The following UNK variants were observed in gnomAD, a reference collection of about 807,000 sequenced individuals.
The protein encoded by UNK is RING finger protein unkempt homolog.
In UNK, 32 loss-of-function variants were observed where a neutral mutation model predicts 97.6. The observed-to-expected ratio is 0.33, with a 90% CI of 0.25 to 0.44. The LOEUF is 0.44. UNK is among the 20% of genes least tolerant of loss of function. The pLI is 1.00. For missense variants in UNK, 771 were observed against 1,098.4 expected (o/e 0.70, Z 4.21); for synonymous variants, 441 against 461.2 (o/e 0.96, Z 0.56).
chr17:75,800,413 C>T (rs778154295), intron 1 of UNK, among the ~76,000 whole-genome samples: 2 of 150,584 alleles, frequency 1.3e-5, no homozygotes, highest in African/African-American at 2.4e-5. Flanking sequence ...CGTGATGTGA[C>T]GATTGTATGA....
In UNK at chr17:75,818,381, C is replaced by CT. The variant is rs1283751559; in HGVS notation, c.1371+214dup. ...AGTGGAGAAGGTGTTCCTGGAGCCT[C>CT]TGCACTCTGCCAGGCCCTGTACTCG... On this transcript the variant is annotated intron_variant, in intron 10 of 15. Transcript: ENST00000589666. The surrounding 1 kb of genome is among the most constrained non-coding windows in gnomAD (Gnocchi z 5.1). Among the ~76,000 whole-genome samples the CT allele has an allele frequency of 1.3e-5, 2 of 152,196 alleles. No individual in the cohort carries two copies. The highest frequency in any genetic ancestry group is 3.9e-4 in the East Asian group (2 of 5,190).
intron 1 of UNK, chr17:75,794,293 C>A: frequency 1.8e-6 from 1 of 558,008 alleles, no homozygotes; most frequent in Non-Finnish European, 2.3e-6. Flanking sequence ...TTCAGAGAGT[C>A]ACTGAGGCTT....
intron 1 of UNK, among the ~76,000 whole-genome samples, chr17:75,808,565 T>C (rs531914033): frequency 6.6e-6 from 1 of 152,268 alleles, no homozygotes; most frequent in African/African-American, 2.4e-5. Flanking sequence ...CATCCACTAG[T>C]ACCTCTCCTC....
chr17:75,819,821 C>T lies in UNK; in HGVS notation c.1648+36C>T, dbSNP rs1220261464. On this transcript the variant is annotated intron_variant, in intron 12 of 15. Coordinates refer to ENST00000589666, the MANE Select transcript of UNK (RefSeq NM_001080419.3). This position sits in a 1 kb window ranked among gnomAD's most constrained non-coding sequence, Gnocchi z 5.4. ...TGGGTGGGCAGGGCAGCCTGGAGGA[C>T]TCCTCGGGTTCCTGCCTGGCTCAGG... 4.3e-6 allele frequency: 7 copies of T among 1,612,184 alleles called. No individual in the cohort carries two copies. In the African/African-American group the frequency reaches 9.3e-5, roughly 22 times the overall value.
intron 2 of UNK, among the ~76,000 whole-genome samples, chr17:75,811,437 T>G (rs565674733): frequency 1.1e-4 from 17 of 152,308 alleles, no homozygotes; most frequent in African/African-American, 3.8e-4. Context: ...CAAGGCTTGC[T>G]GACCCTACCC....
rs759801354 is a variant in UNK, at chr17:75,816,912, C to T, written c.1104C>T (p.Ala368=). Residue 368 remains alanine (A), a splice_region_variant and synonymous_variant, in exon 8 of 16, where the codon GCC becomes GCT. Coordinates refer to ENST00000589666, the MANE Select transcript of UNK (RefSeq NM_001080419.3). The surrounding 1 kb of genome is among the most constrained non-coding windows in gnomAD (Gnocchi z 4.0). ...PSSPHAPDLS[A]LLCRNSSLGS... ...GCCCGCATGCCCCTGACCTCAGTGC[C>T]GTACGTGTCCATCCTGGGGAGTGGG... is the stretch of plus-strand genomic sequence containing the variant. 3.9e-5 allele frequency: 63 copies of T among 1,600,624 alleles called. No individual in the cohort carries two copies. Among genetic ancestry groups the T allele is most frequent in the African/African-American group, 5.3e-5 (4 of 74,882 alleles).
In UNK at chr17:75,824,133, G is replaced by T; in HGVS notation, c.2278-129G>T. The T allele has an allele frequency of 1.7e-6, 2 of 1,160,956 alleles. No homozygotes were observed. The highest frequency in any genetic ancestry group is 2.3e-6 in the Non-Finnish European group (2 of 867,394). The allele number at this position is 1,160,956 out of a possible 1,614,324, so 71.9% of individuals were successfully genotyped here. ...TCTCTCACCTGCCAACAGGGGTCTGGGAGCACACTGTTGAGCTCGGTACCT... is the reference window on the plus strand; with the variant it reads ...TCTCTCACCTGCCAACAGGGGTCTGTGAGCACACTGTTGAGCTCGGTACCT... On this transcript the variant is annotated intron_variant, in intron 15 of 15. Coordinates refer to ENST00000589666, the MANE Select transcript of UNK (RefSeq NM_001080419.3). This position sits in a 1 kb window ranked among gnomAD's most constrained non-coding sequence, Gnocchi z 4.9.
At chr17:75,802,323 A>C (rs923326886) in intron 1 of UNK, among the ~76,000 whole-genome samples, 1 of 131,800 alleles carries the variant, frequency 7.6e-6, no homozygotes, top group Non-Finnish European at 1.5e-5. Flanking sequence ...CAGTGGTGCA[A>C]CCGTAGCTCA....
At chr17:75,804,292 A>G (rs1431011889) in intron 1 of UNK, among the ~76,000 whole-genome samples, 2 of 151,450 alleles carry the variant, frequency 1.3e-5, no homozygotes, top group East Asian at 3.9e-4. Flanking sequence ...CATCTCTACC[A>G]AAAAATACAA....
chr17:75,786,897 C>T (rs906026834), intron 1 of UNK, among the ~76,000 whole-genome samples: 1 of 152,130 alleles, frequency 6.6e-6, no homozygotes, highest in Non-Finnish European at 1.5e-5. Flanking sequence ...CCTGCCTTTC[C>T]ATTCCTTGTG....
chr17:75,816,880 C>G lies in UNK; in HGVS notation c.1072C>G (p.Pro358Ala). ...SAAGDSVPVS[P>A]SSPHAPDLSA... ...CGCCGGAGACTCGGTGCCTGTGAGC[C>G]CCTCCAGCCCGCATGCCCCTGACCT... The change falls in exon 8 of 16, where the codon CCC becomes GCC. Residue 358 changes from proline (P) to alanine (A), a missense_variant. Physicochemically the swap from Pro to Ala is conservative, Grantham distance 27. Transcript: ENST00000589666. The surrounding 1 kb of genome is among the most constrained non-coding windows in gnomAD (Gnocchi z 4.0). The G allele has an allele frequency of 6.2e-7, 1 of 1,606,332 alleles. No individual in the cohort carries two copies.
At chr17:75,810,114 C>A in intron 2 of UNK, 145 bp downstream of exon 2, 1 of 961,028 alleles carries the variant, frequency 1.0e-6, no homozygotes, top group Non-Finnish European at 1.5e-6. Flanking sequence ...TCAGACCCCA[C>A]CATCCCTGGC....
intron 1 of UNK, 138 bp downstream of exon 1, chr17:75,785,122 A>G (rs2061695954): frequency 1.8e-6 from 1 of 558,438 alleles, no homozygotes; most frequent in Admixed American, 3.9e-5. Context: ...ACCGGTTCCA[A>G]CCTGCTGGGG....
rs2062105797 is a variant in UNK at position 75,824,983 on chromosome 17, AGGGCCTCAGGGAGGCCCGAGGGG to A, written c.*568_*590del. ...AGAGCAGGCCTGGCCCCCAGCTGTG[AGGGCCTCAGGGAGGCCCGAGGGG>A]GAGTGCTGGGGGTCTCAGCTGGCTT... On this transcript the variant is annotated 3_prime_UTR_variant, in exon 16 of 16. Transcript: ENST00000589666. The surrounding 1 kb of genome is among the most constrained non-coding windows in gnomAD (Gnocchi z 4.9). The A allele has an allele frequency of 6.6e-6, 1 of 152,022 alleles. No homozygotes were observed. The highest frequency in any genetic ancestry group is 1.5e-5 in the Non-Finnish European group (1 of 67,950). 9.4% of individuals were successfully genotyped at this position (152,022 alleles called of 1,614,324 possible).
intron 1 of UNK, among the ~76,000 whole-genome samples, chr17:75,799,772 C>T (rs1462525254): frequency 6.6e-6 from 1 of 152,072 alleles, no homozygotes; most frequent in Non-Finnish European, 1.5e-5. Flanking sequence ...TCAGGGTGAT[C>T]TAGACCCAGG....
At chr17:75,792,416 C>A (rs2061770707) in intron 1 of UNK, 1 of 985,118 alleles carries the variant, frequency 1.0e-6, no homozygotes, top group Non-Finnish European at 1.2e-6. Context: ...AGATTGTCTT[C>A]CCTTTTAACA....
intron 6 of UNK, 48 bp from the exon 7 acceptor site, chr17:75,815,121 G>A: frequency 6.4e-7 from 1 of 1,568,754 alleles, no homozygotes; most frequent in Non-Finnish European, 8.7e-7. Flanking sequence ...AGCCTGCCCG[G>A]CCTTCCCTCA....
At chr17:75,811,034 C>T (rs560888599) in intron 2 of UNK, among the ~76,000 whole-genome samples, 1 of 152,226 alleles carries the variant, frequency 6.6e-6, no homozygotes, top group African/African-American at 2.4e-5. Context: ...CTCACTGCAA[C>T]CTCCACCTCT....
Position 75,812,589 on chromosome 17 carries a change from C to T in UNK, c.622+4C>T. ...AGCGAGGAGCCTCGGTGGCAAGGTA[C>T]AGGCATCCACACCTCGGCCGCGCCC... On this transcript the variant is annotated splice_donor_region_variant and intron_variant, in intron 4 of 15. Transcript: ENST00000589666. 2 of 1,612,286 alleles carry T rather than the reference C, an allele frequency of 1.2e-6. No individual in the cohort carries two copies. The highest frequency in any genetic ancestry group is 1.3e-5 in the African/African-American group (1 of 75,022).
Sources: allele counts gnomAD v4.1 joint callset (sites outside exome capture counted in the v4.1 genomes callset), GRCh38; gene constraint gnomAD v4.1.1; non-coding constraint Gnocchi (gnomAD v3.1); transcripts MANE v1.5; gene names NCBI Gene and HGNC (gene_info 2026-07-23, HGNC 2026-07-21).